The following CHST11 variants were observed in gnomAD, a reference collection of about 807,000 sequenced individuals.
The protein encoded by CHST11 is carbohydrate sulfotransferase 11, also known as C4S-1.
A neutral mutation model predicts 30.4 loss-of-function variants in CHST11; 9 were observed. The observed-to-expected ratio is 0.30, with a 90% confidence interval of 0.18 to 0.52. The LOEUF (loss-of-function observed/expected upper bound fraction) is 0.52, where lower values mean the gene tolerates loss of function less well. CHST11 is among the 20% of genes least tolerant of loss of function. The probability of loss-of-function intolerance (pLI) is 0.97; values close to 1 mark genes in which losing one functional copy is unlikely to be tolerated. For missense variants in CHST11, 348 were observed against 460.6 expected, an observed-to-expected ratio of 0.76 and a Z score of 2.24; for synonymous variants, 152 against 187.8, an observed-to-expected ratio of 0.81 and a Z score of 1.56.
At chr12:104,726,019 T>A (rs1262603084) in intron 2 of CHST11, among the ~76,000 whole-genome samples, 1 of 152,150 alleles carries the variant, frequency 6.6e-6, no homozygotes, top group African/African-American at 2.4e-5. Flanking sequence ...TTTGTGTCCA[T>A]CTCTTGAGCC....
chr12:104,461,935 AG>A (rs1249241377), intron 1 of CHST11, among the ~76,000 whole-genome samples: 1 of 152,086 alleles, frequency 6.6e-6, no homozygotes, highest in Non-Finnish European at 1.5e-5. Context: ...AGTCCAAGGC[AG>A]GTGGATCACC....
At chr12:104,508,352 C>T (rs926615645) in intron 1 of CHST11, among the ~76,000 whole-genome samples, 7 of 152,156 alleles carry the variant, frequency 4.6e-5, no homozygotes, top group African/African-American at 1.2e-4. Context: ...AAGTAAGTAT[C>T]GTAACCTTCT....
intron 1 of CHST11, among the ~76,000 whole-genome samples, chr12:104,464,763 T>C (rs1282216756): frequency 1.3e-5 from 2 of 152,180 alleles, no homozygotes; most frequent in African/African-American, 2.4e-5. Context: ...TCGTAATATC[T>C]TCAGGGTGCA....
chr12:104,492,048 C>T (rs1259624306), intron 1 of CHST11, among the ~76,000 whole-genome samples: 1 of 152,172 alleles, frequency 6.6e-6, no homozygotes. Context: ...CTTGGAGACA[C>T]CTCTTCTGAC....
At chr12:104,653,884 T>C (rs1169098648) in intron 2 of CHST11, among the ~76,000 whole-genome samples, 2 of 152,146 alleles carry the variant, frequency 1.3e-5, no homozygotes, top group Non-Finnish European at 2.9e-5. Flanking sequence ...GTAGTTAGAC[T>C]GAAAAACCTC....
chr12:104,651,334 G>A (rs1052629226), intron 2 of CHST11, among the ~76,000 whole-genome samples: 2 of 152,200 alleles, frequency 1.3e-5, no homozygotes, highest in Non-Finnish European at 1.5e-5. Flanking sequence ...ACTCTGGTTT[G>A]TTTCTTTGGA....
At chr12:104,464,066 A>C (rs1048716002) in intron 1 of CHST11, among the ~76,000 whole-genome samples, 1 of 140,644 alleles carries the variant, frequency 7.1e-6, no homozygotes, top group African/African-American at 2.8e-5. Context: ...TCCTACTTGC[A>C]CTTTTTTTTT....
At chr12:104,646,515 C>T (rs1342220444) in intron 2 of CHST11, among the ~76,000 whole-genome samples, 4 of 152,046 alleles carry the variant, frequency 2.6e-5, no homozygotes, top group East Asian at 1.9e-4. Context: ...GGGTGGATCA[C>T]GAGGTCAAGA....
intron 1 of CHST11, among the ~76,000 whole-genome samples, chr12:104,487,139 A>G (rs1466225089): frequency 1.3e-5 from 2 of 152,230 alleles, no homozygotes; most frequent in Non-Finnish European, 2.9e-5. Flanking sequence ...CATGACTGTC[A>G]AGAATTCTTG....
At chr12:104,722,969 T>C (rs1351375200) in intron 2 of CHST11, among the ~76,000 whole-genome samples, 1 of 152,132 alleles carries the variant, frequency 6.6e-6, no homozygotes, top group African/African-American at 2.4e-5. Context: ...CTAATGACTT[T>C]CTTGGCCTTT....
At position 104,639,852 on chromosome 12, in the gene CHST11, C is replaced by T. The variant is rs75552396; in HGVS notation, c.204+37861C>T. Among the ~76,000 whole-genome samples the T allele has an allele frequency of 3.9e-3, 591 of 151,944 alleles. 10 individuals are homozygous for T. The East Asian group carries it at 0.044, about 11-fold the overall frequency. On this transcript the variant is annotated intron_variant, in intron 2 of 2. Transcript: ENST00000303694. Reference sequence around the variant, plus strand: ...CATACCTAAAAAAAGACTCATATACCAAATATACAGAGAACTCTTAAATTC... The same window carrying T: ...CATACCTAAAAAAAGACTCATATACTAAATATACAGAGAACTCTTAAATTC...
intron 2 of CHST11, among the ~76,000 whole-genome samples, chr12:104,691,135 TAGAC>T (rs2136107502): frequency 6.6e-6 from 1 of 152,316 alleles, no homozygotes; most frequent in African/African-American, 2.4e-5. Flanking sequence ...CAGATGGCCT[TAGAC>T]AGGTCTCCAG....
At chr12:104,665,889 G>A (rs2039638051) in intron 2 of CHST11, among the ~76,000 whole-genome samples, 1 of 132,500 alleles carries the variant, frequency 7.5e-6, no homozygotes, top group African/African-American at 2.9e-5. Context: ...GCGCGATCTC[G>A]GCTCACTGCA....
chr12:104,581,752 C>T (rs1362559534), intron 1 of CHST11, among the ~76,000 whole-genome samples: 1 of 152,184 alleles, frequency 6.6e-6, no homozygotes, highest in African/African-American at 2.4e-5. Context: ...CACAGGTGGT[C>T]TCAAAGGGCC....
chr12:104,546,461 CAA>C (rs760073702), intron 1 of CHST11, among the ~76,000 whole-genome samples: 669 of 66,760 alleles, frequency 0.01, 6 homozygotes, highest in African/African-American at 0.028. Context: ...GACCCTGTCT[CAA>C]AAAAAAAAAA....
At chr12:104,551,567 T>C (rs755349189) in intron 1 of CHST11, among the ~76,000 whole-genome samples, 1 of 152,188 alleles carries the variant, frequency 6.6e-6, no homozygotes, top group Non-Finnish European at 1.5e-5. Flanking sequence ...CGACTTGCGC[T>C]GTGCCAGTGT....
intron 1 of CHST11, among the ~76,000 whole-genome samples, chr12:104,560,351 G>A (rs1313469811): frequency 6.6e-6 from 1 of 152,224 alleles, no homozygotes; most frequent in Non-Finnish European, 1.5e-5. Context: ...GAGAGGCACT[G>A]CTTTGTAGTT....
At chr12:104,746,572 G>A (rs2040390446) in intron 2 of CHST11, among the ~76,000 whole-genome samples, 1 of 152,172 alleles carries the variant, frequency 6.6e-6, no homozygotes, top group Non-Finnish European at 1.5e-5. Context: ...TCCAGCCACG[G>A]TGCATTTTCC....
At chr12:104,659,792 C>A (rs988546594) in intron 2 of CHST11, among the ~76,000 whole-genome samples, 9 of 80,468 alleles carry the variant, frequency 1.1e-4, no homozygotes, top group Non-Finnish European at 2.3e-4. Context: ...ATAGTGAGAC[C>A]CCCCCCCGCC....
Sources: allele counts gnomAD v4.1 joint callset (sites outside exome capture counted in the v4.1 genomes callset), GRCh38; gene constraint gnomAD v4.1.1; transcripts MANE v1.5; gene names NCBI Gene and HGNC (gene_info 2026-07-23, HGNC 2026-07-21).